The following STK11 variants were observed in gnomAD, a reference collection of about 807,000 sequenced individuals.
The protein encoded by STK11 is serine/threonine kinase 11.
In STK11, 8 loss-of-function variants were observed where a neutral mutation model predicts 47.3. The observed-to-expected ratio is 0.17, with a 90% CI of 0.10 to 0.31. STK11 has a LOEUF of 0.31. Ranked by LOEUF, STK11 falls within the 10% of genes least tolerant of loss-of-function variation. The pLI, the probability that STK11 is intolerant of heterozygous loss-of-function variation, is 1.00. For synonymous variants in STK11, 330 were observed against 255.8 expected, an observed-to-expected ratio of 1.29 and a Z score of -2.77; for missense variants, 475 against 605.0, an observed-to-expected ratio of 0.79 and a Z score of 2.25.
chr19:1,223,815 C>T (rs1450008884), intron 8 of STK11: 3 of 1,032,736 alleles, frequency 2.9e-6, no homozygotes, highest in Non-Finnish European at 3.5e-6. Flanking sequence ...CCCCGCCATG[C>T]TCCCGGCTTG....
chr19:1,225,262 A>G, intron 8 of STK11: 1 of 983,838 alleles, frequency 1.0e-6, no homozygotes, highest in Non-Finnish European at 1.2e-6. Context: ...CCTCCTCACC[A>G]AGGTCTTTTT....
intron 1 of STK11, among the ~76,000 whole-genome samples, chr19:1,216,834 CAAAAAA>C (rs71335349): frequency 8.7e-6 from 1 of 114,360 alleles, no homozygotes. Flanking sequence ...AACCCTGTCT[CAAAAAA>C]AAAAAAAAAA....
intron 9 of STK11, chr19:1,227,153 C>G (rs1343823015): frequency 6.2e-6 from 1 of 162,190 alleles, no homozygotes; most frequent in African/African-American, 2.4e-5. Context: ...GGACGCTGCC[C>G]TGTCTCTCCC....
chr19:1,210,062 C>T (rs1264503019), intron 1 of STK11, among the ~76,000 whole-genome samples: 1 of 152,172 alleles, frequency 6.6e-6, no homozygotes, highest in Admixed American at 6.5e-5. Context: ...CTGTCCCTTC[C>T]TGGTCACTGT....
intron 8 of STK11, chr19:1,225,808 G>A (rs2080816637): frequency 2.0e-6 from 2 of 985,712 alleles, no homozygotes; most frequent in Non-Finnish European, 1.2e-6. Context: ...CTCCTCGCAG[G>A]GACAGTACGT....
At chr19:1,210,347 C>T (rs537494790) in intron 1 of STK11, among the ~76,000 whole-genome samples, 36 of 152,262 alleles carry the variant, frequency 2.4e-4, no homozygotes, top group Non-Finnish European at 4.3e-4. Flanking sequence ...TGTCTCGCAG[C>T]GAGTGTCTGG....
At chr19:1,209,692 G>C (rs527531884) in intron 1 of STK11, among the ~76,000 whole-genome samples, 5 of 152,154 alleles carry the variant, frequency 3.3e-5, no homozygotes, top group Admixed American at 6.5e-5. Flanking sequence ...GAGGGTGGAA[G>C]CCTGACTGTG....
rs149421951 is a variant in STK11 at position 1,207,903 on chromosome 19, C to T, written c.290+700C>T. ...CGGGGCTGCCGCTGGGCATCCCGGA[C>T]GCCTCTGCATCTGTGCGCGGAGAAG... is the stretch of plus-strand genomic sequence containing the variant. On this transcript the variant is annotated intron_variant, in intron 1 of 9. Coordinates refer to ENST00000326873, the MANE Select transcript of STK11 (RefSeq NM_000455.5). 3.9e-4 allele frequency among the ~76,000 whole-genome samples: 59 copies of T among 152,304 alleles called. 1 individual carries two copies. In the East Asian group the frequency reaches 7.9e-3, roughly 20 times the overall value.
intron 8 of STK11, chr19:1,223,511 T>C (rs2080800464): frequency 4.4e-6 from 4 of 916,402 alleles, no homozygotes; most frequent in Non-Finnish European, 5.7e-6. Flanking sequence ...CGGGGGAGGG[T>C]AGGTGAGAGT....
intron 9 of STK11, 118 bp from the exon 10 acceptor site, chr19:1,227,475 C>T (rs2080833646): frequency 9.7e-7 from 1 of 1,034,824 alleles, no homozygotes; most frequent in Non-Finnish European, 1.2e-6. Context: ...CCCTGCTGCC[C>T]CCCAGGAGTC....
intron 5 of STK11, 145 bp downstream of exon 5, chr19:1,220,862 A>C: frequency 7.8e-7 from 1 of 1,288,346 alleles, no homozygotes; most frequent in Non-Finnish European, 1.1e-6. Context: ...TGCTTACTTT[A>C]TGGAAATGTA....
rs1060499956 is a variant in STK11 at position 1,219,416 on chromosome 19, G to A, written c.464+3G>A. ...TTCCCAGTGTGCCAGGCCCACGGGT[G>A]CGTGCGCGGGGCAGGGGCCAGGGTG... On this transcript the variant is annotated splice_donor_region_variant and intron_variant, in intron 3 of 9. Coordinates refer to ENST00000326873, the MANE Select transcript of STK11 (RefSeq NM_000455.5). The A allele has an allele frequency of 2.5e-6, 4 of 1,577,534 alleles. No individual in the cohort carries two copies. The highest frequency in any genetic ancestry group is 3.4e-6 in the Non-Finnish European group (4 of 1,162,968).
intron 1 of STK11, among the ~76,000 whole-genome samples, chr19:1,218,015 G>T (rs774070467): frequency 2.6e-5 from 4 of 152,160 alleles, no homozygotes; most frequent in African/African-American, 4.8e-5. Context: ...GTGGTGACAC[G>T]TGCCTGTAGT....
At chr19:1,226,311 T>C in intron 8 of STK11, 143 bp from the exon 9 acceptor site, 1 of 1,458,864 alleles carries the variant, frequency 6.9e-7, no homozygotes, top group East Asian at 2.5e-5. Flanking sequence ...CATTTCAGGC[T>C]GGATACACCT....
At chr19:1,224,037 G>A (rs927208976) in intron 8 of STK11, 26 of 1,004,234 alleles carry the variant, frequency 2.6e-5, no homozygotes, top group East Asian at 7.6e-5. Flanking sequence ...CCCCGGGCCC[G>A]AGGGTCCCAG....
At chr19:1,213,315 T>A (rs2080724433) in intron 1 of STK11, among the ~76,000 whole-genome samples, 1 of 152,112 alleles carries the variant, frequency 6.6e-6, no homozygotes, top group Non-Finnish European at 1.5e-5. Flanking sequence ...CTTTTTAAAG[T>A]GTGTAATTCA....
chr19:1,223,588 T>TCCCTGAGGCCTGCCCGCTGG, intron 8 of STK11: 1 of 1,080,754 alleles, frequency 9.3e-7, no homozygotes, highest in Non-Finnish European at 1.1e-6. Flanking sequence ...CCTCCCGTCG[T>TCCCTGAGGCCTGCCCGCTGG]CCCTGAGGCC....
In STK11 at chr19:1,207,150, C is replaced by T. The variant is rs751859508; in HGVS notation, c.237C>T (p.Ile79=). ...CGCTGTGCAGGAGGGCCGTCAAGAT[C>T]CTCAAGAAGAAGAAGTTGCGAAGGA... The part of the protein sequence containing the change: ...SETLCRRAVK[I]LKKKKLRRIP... The change falls in exon 1 of 10, where the codon ATC becomes ATT. Residue 79 remains isoleucine, a synonymous_variant. Transcript: ENST00000326873. 37 of 1,612,748 alleles carry T rather than the reference C, an allele frequency of 2.3e-5. No individual in the cohort carries two copies. Among genetic ancestry groups the T allele is most frequent in the Admixed American group, 1.5e-4 (9 of 59,756 alleles).
chr19:1,206,522 T>C lies in STK11; in HGVS notation c.-392T>C. On this transcript the variant is annotated 5_prime_UTR_variant, in exon 1 of 10. Transcript: ENST00000326873. ...GCTCGGCCGTGTTCATACTTGTCCG[T>C]GGGCCTGAGGTCCCCGGAGGATGAC... The C allele has an allele frequency of 3.4e-6, 1 of 291,908 alleles. No individual in the cohort carries two copies. The highest frequency in any genetic ancestry group is 6.5e-6 in the Non-Finnish European group (1 of 153,410). 18.1% of individuals were successfully genotyped at this position (291,908 alleles called of 1,614,324 possible).
Sources: allele counts gnomAD v4.1 joint callset (sites outside exome capture counted in the v4.1 genomes callset), GRCh38; gene constraint gnomAD v4.1.1; transcripts MANE v1.5; gene names NCBI Gene and HGNC (gene_info 2026-07-23, HGNC 2026-07-21).